Variants in RSPH9 observed in about 807,000 individuals in gnomAD.
RSPH9 encodes the protein radial spoke head protein 9 homolog.
A neutral mutation model predicts 27.0 loss-of-function variants in RSPH9; 27 were observed. The observed-to-expected ratio is 1.00, with a 90% CI of 0.74 to 1.38. The LOEUF (loss-of-function observed/expected upper bound fraction) is 1.38. Ranked by LOEUF, RSPH9 falls within the 40% of genes most tolerant of loss-of-function variation. RSPH9 has a pLI of 0.00. For synonymous variants in RSPH9, 145 were observed against 147.7 expected, an observed-to-expected ratio of 0.98 and a Z score of 0.13; for missense variants, 347 against 357.4, an observed-to-expected ratio of 0.97 and a Z score of 0.24.
rs1772078259 is a variant in RSPH9 at position 43,656,687 on chromosome 6, G to A, written c.634G>A (p.Asp212Asn). ...GAAGGCTGACCTGGACCCCTCCCTG[G>A]ATTTCATGGACTCCTTGGAGCATGA... ...LEKADLDPSL[D>N]FMDSLEHDIP... The change falls in exon 4 of 5, where the codon GAT becomes AAT. Residue 212 changes from aspartate (D) to asparagine (N), a missense_variant. Physicochemically the swap from Asp to Asn is conservative, Grantham distance 23 (BLOSUM62 1). Coordinates refer to ENST00000372163, the MANE Select transcript of RSPH9 (RefSeq NM_152732.5). 3 of 1,614,062 alleles carry A rather than the reference G, an allele frequency of 1.9e-6. No individual in the cohort carries two copies.
intron 2 of RSPH9, among the ~76,000 whole-genome samples, 156 bp from the exon 3 acceptor site, chr6:43,655,406 T>C (rs139024483): frequency 7.9e-4 from 121 of 152,322 alleles, no homozygotes; most frequent in Admixed American, 2.8e-3. Flanking sequence ...AAAATCTTGA[T>C]AGGAAGGAAG....
chr6:43,653,898 G>C (rs1325689914), intron 2 of RSPH9, among the ~76,000 whole-genome samples: 1 of 152,120 alleles, frequency 6.6e-6, no homozygotes. Flanking sequence ...CTCCATGTTG[G>C]TCAGGTTGGT....
intron 3 of RSPH9, among the ~76,000 whole-genome samples, chr6:43,655,915 C>A (rs528479121): frequency 2.4e-4 from 37 of 152,196 alleles, no homozygotes; most frequent in African/African-American, 8.4e-4. Flanking sequence ...AGTGGGAGAG[C>A]ATATAGTCCC....
At chr6:43,670,233 A>C (rs1773571324) in intron 4 of RSPH9, among the ~76,000 whole-genome samples, 1 of 152,200 alleles carries the variant, frequency 6.6e-6, no homozygotes, top group East Asian at 1.9e-4. Flanking sequence ...GACAGGAACA[A>C]AACAGACTGG....
At chr6:43,653,590 A>T (rs1236114813) in intron 2 of RSPH9, among the ~76,000 whole-genome samples, 1 of 152,202 alleles carries the variant, frequency 6.6e-6, no homozygotes. Flanking sequence ...AATTCAAAGC[A>T]CAGCTGTTGC....
rs1044217187 is a variant in RSPH9 at position 43,667,363 on chromosome 6, T to G, written c.671-3426T>G. ...TTGCCAGGTGCACACAGGCTGGGGC[T>G]CCTTCCCAAGCAATTCCTCAGCAGC... On this transcript the variant is annotated intron_variant, in intron 4 of 4. Transcript: ENST00000372163. 5.3e-5 allele frequency among the ~76,000 whole-genome samples: 8 copies of G among 152,320 alleles called. No individual in the cohort carries two copies. The South Asian group carries it at 1.7e-3, about 32-fold the overall frequency.
At chr6:43,646,954 CAAA>C (rs781345040) in intron 1 of RSPH9, among the ~76,000 whole-genome samples, 2 of 70,066 alleles carry the variant, frequency 2.9e-5, no homozygotes, top group African/African-American at 5.6e-5. Context: ...GACTCCGTCT[CAAA>C]AAAAAAAAAA....
Position 43,655,616 on chromosome 6 carries a change from G to A in RSPH9, c.448G>A (p.Ala150Thr). The change falls in exon 3 of 5, where the codon GCT becomes ACT. Residue 150 changes from alanine to threonine, a missense_variant. Coordinates refer to ENST00000372163, the MANE Select transcript of RSPH9 (RefSeq NM_152732.5). ...GTCTGTCATTGACCAGATTGACAAGGCTGTGGCCATCATCCCCCGAGGCGC... is the reference window on the plus strand; with the variant it reads ...GTCTGTCATTGACCAGATTGACAAGACTGTGGCCATCATCCCCCGAGGCGC... ...LVSVIDQIDKAVAIIPRGALF... is the reference protein window; with the variant it reads ...LVSVIDQIDKTVAIIPRGALF... 1 of 1,614,216 alleles carries A rather than the reference G, an allele frequency of 6.2e-7. No individual in the cohort carries two copies.
At chr6:43,670,279 CCTCT>C (rs778986207) in intron 4 of RSPH9, among the ~76,000 whole-genome samples, 1 of 152,194 alleles carries the variant, frequency 6.6e-6, no homozygotes, top group Non-Finnish European at 1.5e-5. Context: ...CTTTGCCCTC[CCTCT>C]GAAAGTGGTT....
rs745382908 is a variant in RSPH9, at chr6:43,655,988, A to ACTTGCTTCCTTCCTTC, written c.523+300_523+301insGCTTCCTTCCTTCCTT. Among the ~76,000 whole-genome samples, 8 of 113,616 alleles carry ACTTGCTTCCTTCCTTC rather than the reference A, an allele frequency of 7.0e-5. 1 individual carries two copies. The highest frequency in any genetic ancestry group is 2.8e-4 in the African/African-American group (8 of 28,454). 74.5% of individuals were successfully genotyped at this position (113,616 alleles called of 152,430 possible). A position where few individuals can be genotyped will look rare whatever the true frequency, so the allele number is the denominator to read the frequency against. Reference sequence around the variant, plus strand: ...CTTTTCCTATCTCCTTCCTCCTTGGACTTCCTTCCTTCCTTCCTTCCTTCC... The same window carrying ACTTGCTTCCTTCCTTC: ...CTTTTCCTATCTCCTTCCTCCTTGGACTTGCTTCCTTCCTTCCTTCCTTCCTTCCTTCCTTCCTTCC... On this transcript the variant is annotated intron_variant, in intron 3 of 4. Coordinates refer to ENST00000372163, the MANE Select transcript of RSPH9 (RefSeq NM_152732.5).
chr6:43,647,881 G>A lies in RSPH9; in HGVS notation c.228-2494G>A, dbSNP rs543485275. Among the ~76,000 whole-genome samples the A allele has an allele frequency of 8.5e-5, 13 of 152,302 alleles. No individual in the cohort carries two copies. The South Asian group carries it at 2.7e-3, about 32-fold the overall frequency. On this transcript the variant is annotated intron_variant, in intron 1 of 4. Transcript: ENST00000372163. ...TTGTCTTTATGGAGCTTACATTGTAGTGTGTGTTCAGGGGGCAGGGAACGG... is the reference window on the plus strand; with the variant it reads ...TTGTCTTTATGGAGCTTACATTGTAATGTGTGTTCAGGGGGCAGGGAACGG...
intron 1 of RSPH9, among the ~76,000 whole-genome samples, chr6:43,649,790 G>A (rs1383885570): frequency 6.6e-6 from 1 of 152,072 alleles, no homozygotes; most frequent in Non-Finnish European, 1.5e-5. Context: ...CACAATTGAG[G>A]AAAGTTCAGC....
intron 3 of RSPH9, among the ~76,000 whole-genome samples, chr6:43,656,266 A>C (rs1305043359): frequency 1.3e-5 from 2 of 152,036 alleles, no homozygotes; most frequent in African/African-American, 4.8e-5. Context: ...TTGTATTTTT[A>C]GTAGAGACGG....
chr6:43,655,559 C>G lies in RSPH9; in HGVS notation c.394-3C>G. On this transcript the variant is annotated splice_region_variant and splice_polypyrimidine_tract_variant and intron_variant, in intron 2 of 4. Transcript: ENST00000372163. ...CAGGGGGGCTCCTCTCCTGTCTCCT[C>G]AGGTCCAGATCAAGGAAGAGACCCG... The G allele has an allele frequency of 6.2e-7, 1 of 1,614,042 alleles. No individual in the cohort carries two copies. Among genetic ancestry groups the G allele is most frequent in the Non-Finnish European group, 8.5e-7 (1 of 1,179,956 alleles).
chr6:43,655,773 G>T (rs1298455851), intron 3 of RSPH9, 82 bp downstream of exon 3: 3 of 1,509,870 alleles, frequency 2.0e-6, no homozygotes, highest in South Asian at 1.1e-5. Context: ...AGTCCAGCAG[G>T]GGGGCTTACA....
chr6:43,662,066 C>T lies in RSPH9; in HGVS notation c.670+5343C>T, dbSNP rs376116728. ...CCATGCCTGGCTTATTTCTTGTAGACACAGGGTCTCCCTATGTTGCCCAGG... is the reference window on the plus strand; with the variant it reads ...CCATGCCTGGCTTATTTCTTGTAGATACAGGGTCTCCCTATGTTGCCCAGG... On this transcript the variant is annotated intron_variant, in intron 4 of 4. Transcript: ENST00000372163. Among the ~76,000 whole-genome samples, 42 of 152,168 alleles carry T rather than the reference C, an allele frequency of 2.8e-4. 1 individual carries two copies. In the South Asian group the frequency reaches 7.9e-3, roughly 29 times the overall value.
intron 4 of RSPH9, among the ~76,000 whole-genome samples, chr6:43,670,137 G>A (rs1773562673): frequency 6.6e-6 from 1 of 152,170 alleles, no homozygotes; most frequent in Non-Finnish European, 1.5e-5. Context: ...GGAGGAGCTG[G>A]TGTCTCCCTT....
chr6:43,666,656 G>T, intron 4 of RSPH9: 1 of 597,526 alleles, frequency 1.7e-6, no homozygotes, highest in Non-Finnish European at 3.0e-6. Flanking sequence ...CCATGGGAGT[G>T]GGTAGCTGGT....
chr6:43,661,081 T>C (rs897082975), intron 4 of RSPH9, among the ~76,000 whole-genome samples: 8 of 152,204 alleles, frequency 5.3e-5, no homozygotes, highest in African/African-American at 1.7e-4. Context: ...CAGTAGTAAT[T>C]TGAAAGCCAT....
Sources: allele counts gnomAD v4.1 joint callset (sites outside exome capture counted in the v4.1 genomes callset), GRCh38; gene constraint gnomAD v4.1.1; transcripts MANE v1.5; gene names NCBI Gene and HGNC (gene_info 2026-07-23, HGNC 2026-07-21).